Variants in GLTP observed in about 807,000 individuals in gnomAD.
The protein encoded by GLTP is glycolipid transfer protein.
In GLTP, 22 loss-of-function variants were observed where a neutral mutation model predicts 24.0. That is an observed-to-expected ratio of 0.92 (90% CI 0.65 to 1.31). The LOEUF (loss-of-function observed/expected upper bound fraction) is 1.31. Ranked by LOEUF, GLTP falls within the 50% of genes most tolerant of loss-of-function variation. The probability of loss-of-function intolerance (pLI) is 0.00; values close to 1 mark genes in which losing one functional copy is unlikely to be tolerated. For synonymous variants in GLTP, 92 were observed against 115.9 expected (o/e 0.79, Z 1.33); for missense variants, 224 against 276.6 (o/e 0.81, Z 1.35).
At position 109,857,753 on chromosome 12, in the gene GLTP, C is replaced by T; in HGVS notation, c.163-94G>A. The T allele has an allele frequency of 1.7e-6, 2 of 1,176,332 alleles. No homozygotes were observed. Among genetic ancestry groups the T allele is most frequent in the Non-Finnish European group, 2.6e-6 (2 of 783,236 alleles). 72.9% of individuals were successfully genotyped at this position (1,176,332 alleles called of 1,614,324 possible). ...GTGAAAAGCACCCTACCGGCATCTC[C>T]TGCTCCTTCCTGCCCTCCAGGAACA... On this transcript the variant is annotated intron_variant, in intron 2 of 4. Transcript: ENST00000318348. This position sits in a 1 kb window ranked among gnomAD's most constrained non-coding sequence, Gnocchi z 4.3.
Position 109,876,456 on chromosome 12 carries a change from G to T in GLTP, c.103+3816C>A, listed in dbSNP as rs148793336. Among the ~76,000 whole-genome samples, 333 of 151,832 alleles carry T rather than the reference G, an allele frequency of 2.2e-3. 2 individuals are homozygous for T. The highest frequency in any genetic ancestry group is 7.2e-3 in the African/African-American group (298 of 41,382). Reference sequence around the variant, plus strand: ...CTTGAGCTCAGGAGTTCACATCACTGCACCACTCCAGCCTGGGTGACATGG... The same window carrying T: ...CTTGAGCTCAGGAGTTCACATCACTTCACCACTCCAGCCTGGGTGACATGG... On this transcript the variant is annotated intron_variant, in intron 1 of 4. Coordinates refer to ENST00000318348, the MANE Select transcript of GLTP (RefSeq NM_016433.4).
At chr12:109,856,404 C>T (rs1159404020) in intron 3 of GLTP, among the ~76,000 whole-genome samples, 3 of 152,328 alleles carry the variant, frequency 2.0e-5, no homozygotes, top group African/African-American at 7.2e-5. Context: ...GGGCCAGCCC[C>T]TTAGCACACA....
intron 1 of GLTP, among the ~76,000 whole-genome samples, chr12:109,864,552 G>A (rs944107297): frequency 6.6e-6 from 1 of 152,166 alleles, no homozygotes; most frequent in Non-Finnish European, 1.5e-5. Flanking sequence ...ACCCACCCAA[G>A]GCTCTGGGCT....
intron 1 of GLTP, among the ~76,000 whole-genome samples, chr12:109,860,838 A>G (rs536529684): frequency 6.6e-6 from 1 of 152,298 alleles, no homozygotes; most frequent in Admixed American, 6.5e-5. Flanking sequence ...TGTCACCCCC[A>G]TGGCAGGCTG....
chr12:109,856,793 C>T (rs920168424), intron 3 of GLTP, among the ~76,000 whole-genome samples: 2 of 152,176 alleles, frequency 1.3e-5, no homozygotes, highest in African/African-American at 4.8e-5. Context: ...GGCACGGTGC[C>T]TCACACCTGC....
intron 4 of GLTP, among the ~76,000 whole-genome samples, chr12:109,853,271 C>T (rs1255394146): frequency 6.6e-6 from 1 of 152,118 alleles, no homozygotes; most frequent in African/African-American, 2.4e-5. Context: ...ATGCTGTAGT[C>T]TCTCTTTTGT....
intron 1 of GLTP, among the ~76,000 whole-genome samples, chr12:109,866,929 T>C (rs1222988550): frequency 3.5e-5 from 5 of 141,654 alleles, no homozygotes; most frequent in African/African-American, 1.3e-4. Flanking sequence ...TGGGCTAATT[T>C]TTTTTTTTTT....
chr12:109,856,853 T>C (rs1892803598), intron 3 of GLTP, among the ~76,000 whole-genome samples: 1 of 152,102 alleles, frequency 6.6e-6, no homozygotes, highest in South Asian at 2.1e-4. Context: ...CTGGCTAACA[T>C]GGCGGGCTTG....
chr12:109,879,078 C>G (rs1344971551), intron 1 of GLTP, among the ~76,000 whole-genome samples: 1 of 152,172 alleles, frequency 6.6e-6, no homozygotes, highest in Non-Finnish European at 1.5e-5. Context: ...CTGAGGCTCA[C>G]GAGGTGAAGG....
chr12:109,866,759 CT>C (rs35739263), intron 1 of GLTP, among the ~76,000 whole-genome samples: 77,778 of 129,778 alleles, frequency 0.6, 23,292 homozygotes, highest in African/African-American at 0.7. Flanking sequence ...CTTTGTGTAT[CT>C]TTTTTTTTTT....
At chr12:109,858,784 G>C (rs191494455) in intron 1 of GLTP, 43 bp from the exon 2 acceptor site, 1 of 1,424,966 alleles carries the variant, frequency 7.0e-7, no homozygotes, top group Non-Finnish European at 9.9e-7. Context: ...CGCAGCAAGA[G>C]TGATTTTTCA....
intron 4 of GLTP, among the ~76,000 whole-genome samples, chr12:109,854,217 G>C (rs1394770610): frequency 6.6e-6 from 1 of 151,836 alleles, no homozygotes; most frequent in Non-Finnish European, 1.5e-5. Flanking sequence ...AAATTAGCTA[G>C]GTGTTGGTGG....
At position 109,855,895 on chromosome 12, in the gene GLTP, T is replaced by C. The variant is rs1254337714; in HGVS notation, c.297-126A>G. On this transcript the variant is annotated intron_variant, in intron 3 of 4. Coordinates refer to ENST00000318348, the MANE Select transcript of GLTP (RefSeq NM_016433.4). This position sits in a 1 kb window ranked among gnomAD's most constrained non-coding sequence, Gnocchi z 4.1. ...ATGGGCGCCCCAGAGGGAGTGGTTA[T>C]TCCCTAATCATCTTTCCCTTCTGCT... 1.5e-5 allele frequency: 10 copies of C among 670,006 alleles called. No homozygotes were observed. Among genetic ancestry groups the C allele is most frequent in the Middle Eastern group, 4.3e-4 (1 of 2,334 alleles). 41.5% of individuals were successfully genotyped at this position (670,006 alleles called of 1,614,324 possible).
At chr12:109,860,509 G>A (rs1892857878) in intron 1 of GLTP, 1 of 152,156 alleles carries the variant, frequency 6.6e-6, no homozygotes, top group African/African-American at 2.4e-5. Flanking sequence ...GCAGGGTCTT[G>A]TTCTGGCACT....
chr12:109,853,428 T>C (rs1892753571), intron 4 of GLTP, among the ~76,000 whole-genome samples: 3 of 151,972 alleles, frequency 2.0e-5, no homozygotes, highest in Admixed American at 1.3e-4. Flanking sequence ...CGGTGGCTCA[T>C]GCCTGTAATC....
chr12:109,870,460 ACT>A (rs902487945), intron 1 of GLTP, among the ~76,000 whole-genome samples: 1 of 144,846 alleles, frequency 6.9e-6, no homozygotes, highest in Non-Finnish European at 1.5e-5. Flanking sequence ...ACAGAGCAAG[ACT>A]CTGTCTCAAA....
intron 1 of GLTP, among the ~76,000 whole-genome samples, chr12:109,863,125 G>T (rs551944869): frequency 6.6e-6 from 1 of 152,312 alleles, no homozygotes; most frequent in South Asian, 2.1e-4. Context: ...GATGGACAGA[G>T]ATATGGATAG....
intron 1 of GLTP, among the ~76,000 whole-genome samples, chr12:109,860,758 GT>G (rs1382254035): frequency 6.6e-6 from 1 of 152,212 alleles, no homozygotes; most frequent in African/African-American, 2.4e-5. Context: ...CTGCCTGGCA[GT>G]GCCTAGGACT....
Position 109,855,552 on chromosome 12 carries a change from G to T in GLTP, c.447+67C>A. The T allele has an allele frequency of 1.4e-6, 2 of 1,416,290 alleles. No individual in the cohort carries two copies. The highest frequency in any genetic ancestry group is 1.9e-6 in the Non-Finnish European group (2 of 1,048,918). The allele number at this position is 1,416,290 out of a possible 1,614,324, so 87.7% of individuals were successfully genotyped here. A position where few individuals can be genotyped will look rare whatever the true frequency, so the allele number is the denominator to read the frequency against. On this transcript the variant is annotated intron_variant, in intron 4 of 4. Coordinates refer to ENST00000318348, the MANE Select transcript of GLTP (RefSeq NM_016433.4). The surrounding 1 kb of genome is among the most constrained non-coding windows in gnomAD (Gnocchi z 4.1). ...TCACAGGCCAGGAGGCCTCGGCTAA[G>T]CAGGGGCAGAGTGGGGAGCAGAATC... is the stretch of plus-strand genomic sequence containing the variant.
Sources: allele counts gnomAD v4.1 joint callset (sites outside exome capture counted in the v4.1 genomes callset), GRCh38; gene constraint gnomAD v4.1.1; non-coding constraint Gnocchi (gnomAD v3.1); transcripts MANE v1.5; gene names NCBI Gene and HGNC (gene_info 2026-07-23, HGNC 2026-07-21).